The following RAPGEF5 variants were observed in gnomAD, a reference collection of about 807,000 sequenced individuals.
RAPGEF5 encodes the protein M-Ras-regulated GEF.
RAPGEF5 carries 65 observed loss-of-function variants against 125.2 expected under a neutral mutation model. The observed-to-expected ratio is 0.52, with a 90% CI of 0.43 to 0.64. The LOEUF is 0.64. RAPGEF5 is among the 30% of genes least tolerant of loss of function. The probability of loss-of-function intolerance (pLI) is 0.00; values close to 1 mark genes in which losing one functional copy is unlikely to be tolerated. For missense variants in RAPGEF5, 958 were observed against 1,048.1 expected (o/e 0.91, Z 1.19); for synonymous variants, 391 against 385.9 (o/e 1.01, Z -0.16).
At chr7:22,160,411 G>A (rs1783949811) in intron 14 of RAPGEF5, 107 bp downstream of exon 14, 1 of 1,049,780 alleles carries the variant, frequency 9.5e-7, no homozygotes, top group South Asian at 1.6e-5. Context: ...AGATGAATCT[G>A]AGTCAAAATG....
At chr7:22,235,435 C>G (rs958627726) in intron 7 of RAPGEF5, among the ~76,000 whole-genome samples, 8 of 152,204 alleles carry the variant, frequency 5.3e-5, no homozygotes, top group African/African-American at 1.9e-4. Context: ...TCAAACTGCA[C>G]ATCAGCAAAT....
At chr7:22,174,756 G>A (rs558944738) in intron 11 of RAPGEF5, among the ~76,000 whole-genome samples, 12 of 152,334 alleles carry the variant, frequency 7.9e-5, no homozygotes, top group Non-Finnish European at 1.6e-4. Context: ...AGTGACAAGA[G>A]AGATATGAGT....
chr7:22,262,532 A>G (rs1211153087), intron 7 of RAPGEF5, among the ~76,000 whole-genome samples: 1 of 152,226 alleles, frequency 6.6e-6, no homozygotes. Flanking sequence ...TGTTTCTCAA[A>G]AAACTAAACA....
intron 14 of RAPGEF5, among the ~76,000 whole-genome samples, chr7:22,159,530 C>A (rs1219593684): frequency 6.6e-6 from 1 of 152,130 alleles, no homozygotes; most frequent in African/African-American, 2.4e-5. Context: ...TTTATGTTTA[C>A]GAAATAGAAA....
At chr7:22,335,847 A>C (rs1772948354) in intron 1 of RAPGEF5, among the ~76,000 whole-genome samples, 1 of 152,228 alleles carries the variant, frequency 6.6e-6, no homozygotes, top group African/African-American at 2.4e-5. Context: ...TTTTCATACA[A>C]ACATGCAAAC....
At chr7:22,273,129 A>G (rs149513772) in intron 6 of RAPGEF5, among the ~76,000 whole-genome samples, 133 of 151,852 alleles carry the variant, frequency 8.8e-4, no homozygotes, top group Non-Finnish European at 1.5e-3. Flanking sequence ...TGCTGTCATC[A>G]CATCAAAGAG....
At chr7:22,175,487 TATC>T (rs1562740314) in intron 11 of RAPGEF5, among the ~76,000 whole-genome samples, 1 of 152,180 alleles carries the variant, frequency 6.6e-6, no homozygotes, top group Admixed American at 6.5e-5. Context: ...TCAATACAAT[TATC>T]ATTTTATTTA....
intron 7 of RAPGEF5, among the ~76,000 whole-genome samples, chr7:22,242,855 G>A (rs969082374): frequency 6.7e-6 from 1 of 149,774 alleles, no homozygotes; most frequent in African/African-American, 2.5e-5. Context: ...TCACTTGCAG[G>A]AGAATCACTT....
rs1783734144 is a variant in RAPGEF5, at chr7:22,154,465, T to C, written c.1776A>G (p.Thr592=). 1 of 1,613,740 alleles carries C rather than the reference T, an allele frequency of 6.2e-7. No homozygotes were observed. The highest frequency in any genetic ancestry group is 8.5e-7 in the Non-Finnish European group (1 of 1,179,758). The change falls in exon 17 of 26, where the codon ACA becomes ACG. Residue 592 remains threonine, a synonymous_variant. Transcript: ENST00000665637. ...TAGAAAACAACTTACCCCCAGAGAA[T>C]GTGATGGCCACCAGAGCCAGATCCT... ...AEEDLALVAI[T]FSGEKHELQP...
chr7:22,244,319 C>G (rs115093458), intron 7 of RAPGEF5, among the ~76,000 whole-genome samples: 1 of 152,120 alleles, frequency 6.6e-6, no homozygotes, highest in South Asian at 2.1e-4. Flanking sequence ...CTTCAACCCC[C>G]ACGCCACGGA....
intron 10 of RAPGEF5, 152 bp from the exon 11 acceptor site, chr7:22,193,607 C>T (rs1785069117): frequency 1.9e-6 from 3 of 1,550,806 alleles, no homozygotes; most frequent in Non-Finnish European, 2.6e-6. Flanking sequence ...AGCGCCGCGG[C>T]GGAATCTTTC....
At chr7:22,154,869 T>C (rs1288413104) in intron 16 of RAPGEF5, among the ~76,000 whole-genome samples, 2 of 152,230 alleles carry the variant, frequency 1.3e-5, no homozygotes, top group African/African-American at 4.8e-5. Context: ...CTTTTCATTA[T>C]GTAATGAGAG....
intron 1 of RAPGEF5, among the ~76,000 whole-genome samples, chr7:22,333,071 T>C (rs1783952544): frequency 6.6e-6 from 1 of 152,208 alleles, no homozygotes; most frequent in African/African-American, 2.4e-5. Flanking sequence ...AACTCTGAGC[T>C]CATTATGTGA....
chr7:22,252,907 A>G (rs1333452025), intron 7 of RAPGEF5, among the ~76,000 whole-genome samples: 1 of 152,206 alleles, frequency 6.6e-6, no homozygotes, highest in East Asian at 1.9e-4. Context: ...TTTACAATGC[A>G]TTAAGAATTA....
At chr7:22,193,640 C>A (rs1444214233) in intron 10 of RAPGEF5, 185 bp from the exon 11 acceptor site, 2 of 1,550,612 alleles carry the variant, frequency 1.3e-6, no homozygotes, top group East Asian at 2.4e-5. Flanking sequence ...GGGTCAAAGA[C>A]CCTCAGCCGG....
chr7:22,134,081 G>C (rs1001849212), intron 23 of RAPGEF5, among the ~76,000 whole-genome samples: 8 of 152,176 alleles, frequency 5.3e-5, no homozygotes, highest in Admixed American at 5.2e-4. Context: ...TAAAAACTAA[G>C]TTGGTTGTTC....
At chr7:22,329,917 G>T (rs188550363) in intron 1 of RAPGEF5, among the ~76,000 whole-genome samples, 84 of 152,292 alleles carry the variant, frequency 5.5e-4, no homozygotes, top group Non-Finnish European at 6.3e-4. Context: ...ACAGCTGCAT[G>T]GCCAGCTCTC....
intron 6 of RAPGEF5, among the ~76,000 whole-genome samples, chr7:22,290,373 A>AGTT (rs1782901366): frequency 6.6e-6 from 1 of 152,236 alleles, no homozygotes; most frequent in Non-Finnish European, 1.5e-5. Context: ...AGGCTTAGTG[A>AGTT]CCACAGTCAG....
At chr7:22,265,556 A>AC (rs1782262121) in intron 7 of RAPGEF5, among the ~76,000 whole-genome samples, 1 of 152,164 alleles carries the variant, frequency 6.6e-6, no homozygotes. Flanking sequence ...GCGCTGCAAT[A>AC]AATATGGGAG....
Sources: allele counts gnomAD v4.1 joint callset (sites outside exome capture counted in the v4.1 genomes callset), GRCh38; gene constraint gnomAD v4.1.1; transcripts MANE v1.5; gene names NCBI Gene and HGNC (gene_info 2026-07-23, HGNC 2026-07-21).